Variants in ALG5 observed in about 807,000 individuals in gnomAD.
The protein encoded by ALG5 is dolichyl-phosphate beta-glucosyltransferase.
In ALG5, 26 loss-of-function variants were observed where a neutral mutation model predicts 51.8. The observed-to-expected ratio is 0.50, with a 90% CI of 0.37 to 0.70. The LOEUF is 0.70. ALG5 is among the 30% of genes least tolerant of loss of function. The pLI is 0.00. For missense variants in ALG5, 311 were observed against 399.3 expected (o/e 0.78, Z 1.88); for synonymous variants, 141 against 136.1 (o/e 1.04, Z -0.25).
Position 36,961,289 on chromosome 13 carries a change from C to T in ALG5, c.773+4286G>A, listed in dbSNP as rs189819523. ...AATTAGCTGGGCGTGATGGCATGCA[C>T]CTGTAGTCCCAGCTACTCAGCAGGC... On this transcript the variant is annotated intron_variant, in intron 8 of 9. Transcript: ENST00000239891. 2.1e-4 allele frequency among the ~76,000 whole-genome samples: 32 copies of T among 152,166 alleles called. No homozygotes were observed. The East Asian group carries it at 5.4e-3, about 26-fold the overall frequency.
intron 5 of ALG5, among the ~76,000 whole-genome samples, chr13:36,986,694 G>A (rs766692120): frequency 6.6e-6 from 1 of 152,186 alleles, no homozygotes; most frequent in Non-Finnish European, 1.5e-5. Flanking sequence ...GGAAGCTGAG[G>A]TGGAAGGATT....
chr13:36,976,750 G>GA (rs11381832), intron 6 of ALG5, among the ~76,000 whole-genome samples: 135,166 of 149,612 alleles, frequency 0.9, 61,188 homozygotes, highest in East Asian at 1. Flanking sequence ...TCTGTCTCAG[G>GA]AAAAAAAAAA....
rs530592446 is a variant in ALG5 at position 36,987,247 on chromosome 13, C to T, written c.448-1507G>A. ...ACATAACTGCCTCTTATACCAGCTC[C>T]TCCTCCAGTGTTTCATTCCTTCTAT... is the stretch of plus-strand genomic sequence containing the variant. On this transcript the variant is annotated intron_variant, in intron 5 of 9. Transcript: ENST00000239891. 9.2e-5 allele frequency among the ~76,000 whole-genome samples: 14 copies of T among 152,292 alleles called. No individual in the cohort carries two copies. In the East Asian group the frequency reaches 2.5e-3, roughly 27 times the overall value.
At chr13:36,974,712 G>GC (rs754668806) in intron 6 of ALG5, among the ~76,000 whole-genome samples, 2,607 of 150,940 alleles carry the variant, frequency 0.017, 59 homozygotes, top group African/African-American at 0.055. Context: ...TCTATGTAAA[G>GC]CCCCCCCACC....
At chr13:36,957,449 A>G (rs1430330110) in intron 8 of ALG5, among the ~76,000 whole-genome samples, 1 of 152,138 alleles carries the variant, frequency 6.6e-6, no homozygotes, top group African/African-American at 2.4e-5. Context: ...TTACAGAGTG[A>G]CAATGGCCCC....
At chr13:36,996,932 C>A (rs879641211) in intron 1 of ALG5, among the ~76,000 whole-genome samples, 1 of 152,096 alleles carries the variant, frequency 6.6e-6, no homozygotes, top group Non-Finnish European at 1.5e-5. Flanking sequence ...AACCACAGAT[C>A]CATCTTAACA....
chr13:36,961,374 C>T (rs536574614), intron 8 of ALG5, among the ~76,000 whole-genome samples: 1 of 152,310 alleles, frequency 6.6e-6, no homozygotes, highest in South Asian at 2.1e-4. Context: ...ATGTTCACTC[C>T]AGCCTGAGTG....
intron 8 of ALG5, among the ~76,000 whole-genome samples, chr13:36,954,059 A>G (rs1052604658): frequency 3.5e-4 from 10 of 28,906 alleles, no homozygotes; most frequent in African/African-American, 2.7e-3. Context: ...AAATCACCTT[A>G]TATTAAAAAA....
chr13:36,963,876 C>T (rs901618333), intron 8 of ALG5, among the ~76,000 whole-genome samples: 2 of 152,172 alleles, frequency 1.3e-5, no homozygotes, highest in East Asian at 1.9e-4. Context: ...AGGATTCACA[C>T]AGAACCCATG....
At chr13:36,993,731 T>G in intron 3 of ALG5, 59 bp from the exon 4 acceptor site, 2 of 1,370,392 alleles carry the variant, frequency 1.5e-6, no homozygotes, top group Non-Finnish European at 2.1e-6. Context: ...AGTATTCTAA[T>G]CAAATCACCA....
At chr13:36,986,570 T>C (rs537136325) in intron 5 of ALG5, among the ~76,000 whole-genome samples, 14 of 152,284 alleles carry the variant, frequency 9.2e-5, no homozygotes, top group African/African-American at 3.1e-4. Context: ...ATTTATTCTA[T>C]GGTATAATAA....
At chr13:36,990,273 C>T (rs1305821622) in intron 4 of ALG5, among the ~76,000 whole-genome samples, 25 of 152,180 alleles carry the variant, frequency 1.6e-4, no homozygotes, top group Admixed American at 1.6e-3. Flanking sequence ...ATTTTTCGGT[C>T]CACTGTAGTA....
intron 6 of ALG5, among the ~76,000 whole-genome samples, chr13:36,972,554 GAAAT>G (rs1305191787): frequency 6.6e-6 from 1 of 151,852 alleles, no homozygotes. Flanking sequence ...GAAAAATCTA[GAAAT>G]AAAGTTTATA....
In ALG5 at chr13:36,972,924, A is replaced by G. The variant is rs111678540; in HGVS notation, c.562-888T>C. Among the ~76,000 whole-genome samples the G allele has an allele frequency of 8.9e-4, 133 of 149,692 alleles. 1 individual carries two copies. Among genetic ancestry groups the G allele is most frequent in the African/African-American group, 2.7e-3 (112 of 40,778 alleles). The stretch of plus-strand genomic sequence containing the variant: ...GGAGAATGGCGTGAACCCAGGAGGC[A>G]GAGCTTGCAGTGAGCCGAGATCACA... On this transcript the variant is annotated intron_variant, in intron 6 of 9. Coordinates refer to ENST00000239891, the MANE Select transcript of ALG5 (RefSeq NM_013338.5).
intron 2 of ALG5, 89 bp from the exon 3 acceptor site, chr13:36,995,124 T>A: frequency 8.8e-7 from 1 of 1,135,534 alleles, no homozygotes; most frequent in Non-Finnish European, 1.3e-6. Flanking sequence ...AAAGTCCCAA[T>A]AATCTAACAA....
At chr13:36,972,494 G>A (rs1023321881) in intron 6 of ALG5, among the ~76,000 whole-genome samples, 1 of 139,224 alleles carries the variant, frequency 7.2e-6, no homozygotes, top group African/African-American at 2.7e-5. Context: ...TCACATGTAC[G>A]AACAATAATC....
chr13:36,967,801 A>G (rs1280304866), intron 7 of ALG5: 3 of 1,239,826 alleles, frequency 2.4e-6, no homozygotes, highest in Non-Finnish European at 3.2e-6. Context: ...CCAAAAGAGC[A>G]CTTATGCTTA....
At chr13:36,975,924 GGCAGGAACCACT>G (rs2058948118) in intron 6 of ALG5, among the ~76,000 whole-genome samples, 1 of 151,438 alleles carries the variant, frequency 6.6e-6, no homozygotes, top group African/African-American at 2.4e-5. Flanking sequence ...GGGAGGCCAA[GGCAGGAACCACT>G]GCACTCCAGC....
chr13:36,993,487 A>G (rs2059034611), intron 4 of ALG5, 117 bp downstream of exon 4: 5 of 816,910 alleles, frequency 6.1e-6, no homozygotes, highest in African/African-American at 3.4e-5. Flanking sequence ...GACTATAACA[A>G]TGGAGAGTGT....
Sources: gnomAD v4.1 joint callset for allele counts (sites outside exome capture counted in the v4.1 genomes callset) on GRCh38, gnomAD v4.1.1 for gene constraint, MANE v1.5 for transcripts, NCBI Gene and HGNC (gene_info 2026-07-23, HGNC 2026-07-21) for gene names.